IFNLR1: variants seen among roughly 807,000 people sequenced by gnomAD.
The protein encoded by IFNLR1 is CRF2-12.
IFNLR1 carries 28 observed loss-of-function variants against 52.5 expected under a neutral mutation model. The ratio of observed to expected loss-of-function variants is 0.53; its 90% CI spans 0.40 to 0.73. The LOEUF (loss-of-function observed/expected upper bound fraction) is 0.73, where lower values mean the gene tolerates loss of function less well. Among genes scored for constraint, IFNLR1 ranks in the 30% least tolerant of loss-of-function variants. The pLI is 0.00. For synonymous variants in IFNLR1, 276 were observed against 274.9 expected, an observed-to-expected ratio of 1.00 and a Z score of -0.04; for missense variants, 623 against 659.1, an observed-to-expected ratio of 0.95 and a Z score of 0.60.
rs141659592 is a variant in IFNLR1, at chr1:24,157,609, C to A, written c.1084G>T (p.Ala362Ser). 1 of 1,608,712 alleles carries A rather than the reference C, an allele frequency of 6.2e-7. No individual in the cohort carries two copies. The highest frequency in any genetic ancestry group is 2.2e-5 in the East Asian group (1 of 44,838). Reference protein sequence around the residue: ...QEHQAPGHSEAGGVDSGRPRA... With the variant: ...QEHQAPGHSESGGVDSGRPRA... ...GGCCTCCCTGAGTCCACCCCACCAGCCTCCGAGTGCCCTGGAGCCTGGTGC... is the reference window on the plus strand; with the variant it reads ...GGCCTCCCTGAGTCCACCCCACCAGACTCCGAGTGCCCTGGAGCCTGGTGC... The change falls in exon 7 of 7, where the codon GCT becomes TCT. Residue 362 changes from alanine to serine, a missense_variant. Coordinates refer to ENST00000327535, the MANE Select transcript of IFNLR1 (RefSeq NM_170743.4). The surrounding 1 kb of genome is among the most constrained non-coding windows in gnomAD (Gnocchi z 5.1).
intron 2 of IFNLR1, among the ~76,000 whole-genome samples, chr1:24,178,121 C>T (rs1017157352): frequency 6.6e-6 from 1 of 151,994 alleles, no homozygotes; most frequent in Non-Finnish European, 1.5e-5. Flanking sequence ...CCCGTCTCTA[C>T]TAAAAATACA....
chr1:24,157,372 G>A lies in IFNLR1; in HGVS notation c.1321C>T (p.Pro441Ser). Residue 441 changes from proline (P) to serine (S), a missense_variant, in exon 7 of 7, where the codon CCA becomes TCA. Physicochemically the swap from Pro to Ser is moderately conservative, Grantham distance 74. Transcript: ENST00000327535. This position sits in a 1 kb window ranked among gnomAD's most constrained non-coding sequence, Gnocchi z 5.1. ...GCCCAGGAGGAGAGGTTATCTTCTG[G>A]GAGCTCTTCCAGGAAACCCGAGTCC... ...SKDSGFLEEL[P>S]EDNLSSWATW... The A allele has an allele frequency of 6.2e-7, 1 of 1,614,176 alleles. No homozygotes were observed. The highest frequency in any genetic ancestry group is 8.5e-7 in the Non-Finnish European group (1 of 1,180,036).
chr1:24,182,226 T>C (rs956866838), intron 1 of IFNLR1, among the ~76,000 whole-genome samples: 1 of 146,510 alleles, frequency 6.8e-6, no homozygotes, highest in African/African-American at 2.5e-5. Context: ...AAGTGTTCCA[T>C]GAAGGGCACA....
At chr1:24,166,207 T>TCCATCCATCCATCCA (rs1557646026) in intron 3 of IFNLR1, among the ~76,000 whole-genome samples, 1 of 146,158 alleles carries the variant, frequency 6.8e-6, no homozygotes, top group African/African-American at 2.8e-5. Context: ...CCATCCATCC[T>TCCATCCATCCATCCA]TCCTTCCTTC....
chr1:24,159,726 G>GTTTTTTTTTTTTGTT, intron 4 of IFNLR1, 93 bp from the exon 5 acceptor site: 4 of 761,910 alleles, frequency 5.2e-6, no homozygotes, highest in Non-Finnish European at 5.9e-6. Flanking sequence ...ATGGTAGGGT[G>GTTTTTTTTTTTTGTT]TTTTTTTTTT....
chr1:24,176,877 C>T (rs1038973276), intron 2 of IFNLR1, among the ~76,000 whole-genome samples: 2 of 152,114 alleles, frequency 1.3e-5, no homozygotes, highest in Non-Finnish European at 2.9e-5. Context: ...CTCACAAAGT[C>T]TTGGAATTAT....
Position 24,159,737 on chromosome 1 carries a change from G to GTTTTTTTTTTTTTGTTTTTTTTTTTTGT in IFNLR1, c.511-105_511-104insACAAAAAAAAAAAACAAAAAAAAAAAAA, listed in dbSNP as rs79165037. ...AGACATGGTAGGGTGTTTTTTTTTT[G>GTTTTTTTTTTTTTGTTTTTTTTTTTTGT]TTTTTTTTTTTTGTTTTTTTGTAGG... On this transcript the variant is annotated intron_variant, in intron 4 of 6. Transcript: ENST00000327535. 1.1e-5 allele frequency: 5 copies of GTTTTTTTTTTTTTGTTTTTTTTTTTTGT among 459,252 alleles called. No individual in the cohort carries two copies. In the African/African-American group the frequency reaches 1.3e-4, roughly 12 times the overall value. The allele number at this position is 459,252 out of a possible 1,614,324, so 28.4% of individuals were successfully genotyped here.
intron 1 of IFNLR1, among the ~76,000 whole-genome samples, chr1:24,186,553 T>C (rs1644740889): frequency 6.6e-6 from 1 of 152,124 alleles, no homozygotes; most frequent in South Asian, 2.1e-4. Flanking sequence ...GGGCGATTTC[T>C]GGACCTTCTC....
chr1:24,178,702 T>C (rs1481387466), intron 2 of IFNLR1, among the ~76,000 whole-genome samples: 1 of 152,096 alleles, frequency 6.6e-6, no homozygotes, highest in East Asian at 1.9e-4. Context: ...AATAATAAAC[T>C]AGCAATCACC....
chr1:24,161,481 A>C, intron 4 of IFNLR1, 61 bp downstream of exon 4: 1 of 1,545,746 alleles, frequency 6.5e-7, no homozygotes, highest in South Asian at 1.2e-5. Context: ...GGTGAGAAGA[A>C]CCTGAGTAAG....
chr1:24,180,675 AGCC>A, intron 2 of IFNLR1, 53 bp downstream of exon 2: 8 of 385,906 alleles, frequency 2.1e-5, no homozygotes, highest in East Asian at 6.9e-5. Context: ...AAGCCCCTCC[AGCC>A]CCCACCCACC....
At chr1:24,179,797 C>T (rs1644670548) in intron 2 of IFNLR1, among the ~76,000 whole-genome samples, 1 of 152,188 alleles carries the variant, frequency 6.6e-6, no homozygotes, top group Non-Finnish European at 1.5e-5. Flanking sequence ...ACACGGTGGT[C>T]CCCTCCTCTT....
rs1318091842 is a variant in IFNLR1, at chr1:24,173,934, A to G, written c.183-4333T>C. On this transcript the variant is annotated intron_variant, in intron 2 of 6. Transcript: ENST00000327535. ...CAAAGACTTGTACATGAATGTTCAC[A>G]GCAGCTTAATTCATAATAGCCCTAT... 2.6e-5 allele frequency among the ~76,000 whole-genome samples: 4 copies of G among 152,244 alleles called. No homozygotes were observed. The East Asian group carries it at 7.7e-4, about 29-fold the overall frequency.
At chr1:24,180,104 G>A (rs928038881) in intron 2 of IFNLR1, among the ~76,000 whole-genome samples, 1 of 152,188 alleles carries the variant, frequency 6.6e-6, no homozygotes, top group South Asian at 2.1e-4. Flanking sequence ...CGAGACCAGC[G>A]TGGGCAACAT....
chr1:24,158,119 A>C (rs1374655324), intron 6 of IFNLR1, among the ~76,000 whole-genome samples: 2 of 152,154 alleles, frequency 1.3e-5, no homozygotes, highest in African/African-American at 4.8e-5. Flanking sequence ...CCTGCTGGCA[A>C]CTCAGGGAGC....
At chr1:24,168,193 T>C (rs1644538954) in intron 3 of IFNLR1, among the ~76,000 whole-genome samples, 1 of 152,062 alleles carries the variant, frequency 6.6e-6, no homozygotes, top group Admixed American at 6.6e-5. Context: ...CCCTTTCTTC[T>C]TACCCATCTG....
intron 1 of IFNLR1, among the ~76,000 whole-genome samples, chr1:24,181,435 C>G (rs1644689796): frequency 6.6e-6 from 1 of 152,178 alleles, no homozygotes; most frequent in Admixed American, 6.5e-5. Flanking sequence ...TCCCCACTTC[C>G]CACCCATTCC....
In IFNLR1 at chr1:24,157,678, T is replaced by C; in HGVS notation, c.1015A>G (p.Ser339Gly). The change falls in exon 7 of 7, where the codon AGC becomes GGC. Residue 339 changes from serine (S) to glycine (G), a missense_variant. Coordinates refer to ENST00000327535, the MANE Select transcript of IFNLR1 (RefSeq NM_170743.4). This position sits in a 1 kb window ranked among gnomAD's most constrained non-coding sequence, Gnocchi z 5.1. ...GGTGGTTCAATGTAGGGCTGGAAGC[T>C]GACGCCATCTTCTGTGTCCTCCTCA... ...EDEEDTEDGV[S>G]FQPYIEPPSF... 1 of 1,613,194 alleles carries C rather than the reference T, an allele frequency of 6.2e-7. No homozygotes were observed. The highest frequency in any genetic ancestry group is 1.7e-5 in the Admixed American group (1 of 59,866).
rs558813698 is a variant in IFNLR1, at chr1:24,178,731, A to G, written c.182+2000T>C. ...AATCACCTTTGGGAGATGATAAGGAACCAATTCATTATCTTGAAAATTGAT... is the reference window on the plus strand; with the variant it reads ...AATCACCTTTGGGAGATGATAAGGAGCCAATTCATTATCTTGAAAATTGAT... On this transcript the variant is annotated intron_variant, in intron 2 of 6. Transcript: ENST00000327535. Among the ~76,000 whole-genome samples the G allele has an allele frequency of 2.6e-5, 4 of 152,296 alleles. No homozygotes were observed. In the South Asian group the frequency reaches 6.2e-4, roughly 24 times the overall value.
Sources: gnomAD v4.1 joint callset for allele counts (sites outside exome capture counted in the v4.1 genomes callset) on GRCh38, gnomAD v4.1.1 for gene constraint, Gnocchi (gnomAD v3.1) non-coding constraint, MANE v1.5 for transcripts, NCBI Gene and HGNC (gene_info 2026-07-23, HGNC 2026-07-21) for gene names.